Variants in MUC5B observed in about 807,000 individuals in gnomAD.
The protein encoded by MUC5B is mucin 5B, oligomeric mucus/gel-forming.
In MUC5B, 116 loss-of-function variants were observed where a neutral mutation model predicts 376.9. The observed-to-expected ratio is 0.31, with a 90% confidence interval of 0.26 to 0.36. MUC5B has a LOEUF of 0.36. Ranked by LOEUF, MUC5B falls within the 10% of genes least tolerant of loss-of-function variation. The pLI is 1.00. For missense variants in MUC5B, 7,165 were observed against 7,769.9 expected, an observed-to-expected ratio of 0.92 and a Z score of 2.93; for synonymous variants, 3,517 against 3,390.9, an observed-to-expected ratio of 1.04 and a Z score of -1.29.
At chr11:1,238,004 C>T (rs531652495) in intron 25 of MUC5B, among the ~76,000 whole-genome samples, 41 of 152,342 alleles carry the variant, frequency 2.7e-4, no homozygotes, top group African/African-American at 8.4e-4. Flanking sequence ...TGGGCATACT[C>T]GCTCGTGGGA....
At position 1,242,397 on chromosome 11, in the gene MUC5B, C is replaced by G. The variant is rs56271749; in HGVS notation, c.5517C>G (p.Ser1839Arg). Reference protein sequence around the residue: ...ECRAENYPEVSIDQVGQVLTC... With the variant: ...ECRAENYPEVRIDQVGQVLTC... ...GGGCGGAGAACTACCCCGAGGTAAGCATCGACCAGGTCGGGCAGGTGCTGA... is the reference window on the plus strand; with the variant it reads ...GGGCGGAGAACTACCCCGAGGTAAGGATCGACCAGGTCGGGCAGGTGCTGA... The change falls in exon 31 of 49, where the codon AGC becomes AGG. Residue 1839 changes from serine (S) to arginine (R), a missense_variant. By Grantham distance (110) the Ser-to-Arg change is moderately radical. This residue lies in a region of MUC5B where 897 missense variants were observed against 779.6 expected (regional missense o/e 1.15). Coordinates refer to ENST00000529681, the MANE Select transcript of MUC5B (RefSeq NM_002458.3). 144 of 1,613,908 alleles carry G rather than the reference C, an allele frequency of 8.9e-5. 2 individuals carry two copies. The Admixed American group carries it at 2.3e-3, about 26-fold the overall frequency.
chr11:1,256,904 C>T (rs1862853443), intron 39 of MUC5B, 133 bp downstream of exon 39: 3 of 703,574 alleles, frequency 4.3e-6, no homozygotes, highest in Non-Finnish European at 4.6e-6. Context: ...TTCTGCCCCA[C>T]CAGAGCATGG....
rs1461668075 is a variant in MUC5B, at chr11:1,261,906, G to A, written c.*298G>A. The A allele has an allele frequency of 2.2e-5, 14 of 634,094 alleles. No homozygotes were observed. Among genetic ancestry groups the A allele is most frequent in the Admixed American group, 1.1e-4 (5 of 47,616 alleles). The allele number at this position is 634,094 out of a possible 1,614,324, so 39.3% of individuals were successfully genotyped here. ...GCCCTGGAACAAACTAAGCATGTGC[G>A]GGCCTATGTGTCCCTGCCACGGCCG... On this transcript the variant is annotated 3_prime_UTR_variant, in exon 49 of 49. Coordinates refer to ENST00000529681, the MANE Select transcript of MUC5B (RefSeq NM_002458.3).
In MUC5B at chr11:1,248,438, C is replaced by T. The variant is rs184186640; in HGVS notation, c.11558C>T (p.Pro3853Leu). 1.4e-5 allele frequency: 22 copies of T among 1,610,572 alleles called. No individual in the cohort carries two copies. The highest frequency in any genetic ancestry group is 3.3e-4 in the Middle Eastern group (2 of 6,046). The part of the protein sequence containing the change: ...TTRATGSVAT[P>L]SSTPGTAHTT... ...AGGGCCACCGGCTCTGTGGCCACCC[C>T]CTCTTCCACCCCAGGAACAGCTCAC... Residue 3853 changes from proline (P) to leucine (L), a missense_variant, in exon 31 of 49, where the codon CCC (proline) becomes CTC (leucine). By Grantham distance (98) the Pro-to-Leu change is moderately conservative. Coordinates refer to ENST00000529681, the MANE Select transcript of MUC5B (RefSeq NM_002458.3).
Position 1,257,574 on chromosome 11 carries a change from C to G in MUC5B, c.16314C>G (p.Asp5438Glu). The change falls in exon 41 of 49, where the codon GAC (aspartate) becomes GAG (glutamate). Residue 5438 changes from aspartate to glutamate, a missense_variant. Physicochemically the swap from Asp to Glu is conservative, Grantham distance 45. Transcript: ENST00000529681. This position sits in a 1 kb window ranked among gnomAD's most constrained non-coding sequence, Gnocchi z 8.9. ...WVSNCQSCVC[D>E]EGSVSVQCKP... is the part of the protein sequence containing the mutation. ...GCAACTGCCAGTCCTGCGTGTGTGA[C>G]GAGGGTTCAGTGTCGGTGCAGTGCA... 1 of 1,607,650 alleles carries G rather than the reference C, an allele frequency of 6.2e-7. No homozygotes were observed.
rs1199543246 is a variant in MUC5B at position 1,253,008 on chromosome 11, C to T, written c.15217+28C>T. On this transcript the variant is annotated intron_variant, in intron 33 of 48. Coordinates refer to ENST00000529681, the MANE Select transcript of MUC5B (RefSeq NM_002458.3). The surrounding 1 kb of genome is among the most constrained non-coding windows in gnomAD (Gnocchi z 4.3). The stretch of plus-strand genomic sequence containing the variant: ...GAGTGCGTCGGTGGCCGCGGGATTA[C>T]CCCGGGGGCAGGTGGAGCAGAGTGC... 6.2e-7 allele frequency: 1 copy of T among 1,611,800 alleles called. No individual in the cohort carries two copies. The highest frequency in any genetic ancestry group is 8.5e-7 in the Non-Finnish European group (1 of 1,179,562).
At chr11:1,239,152 C>T in intron 26 of MUC5B, 125 bp downstream of exon 26, 1 of 1,213,836 alleles carries the variant, frequency 8.2e-7, no homozygotes, top group Non-Finnish European at 1.2e-6. Flanking sequence ...CACGCATGTG[C>T]CTCCATGTGA....
chr11:1,249,966 C>G lies in MUC5B; in HGVS notation c.13086C>G (p.Thr4362=). 1 of 1,612,212 alleles carries G rather than the reference C, an allele frequency of 6.2e-7. No individual in the cohort carries two copies. Among genetic ancestry groups the G allele is most frequent in the African/African-American group, 1.3e-5 (1 of 74,828 alleles). The change falls in exon 31 of 49, where the codon ACC becomes ACG. Residue 4362 remains threonine (T), a synonymous_variant. Transcript: ENST00000529681. ...CCTCCACTCCGGAGACCACCCACAC[C>G]TCCACAGTGCTGACCACGAAGGCCA... is the stretch of plus-strand genomic sequence containing the variant. ...HPSSTPETTH[T]STVLTTKATT...
Position 1,241,572 on chromosome 11 carries a change from G to A in MUC5B, c.4692G>A (p.Gln1564=), listed in dbSNP as rs1181481391. Residue 1564 remains glutamine (Q), a synonymous_variant, in exon 31 of 49, where the codon CAG becomes CAA. Coordinates refer to ENST00000529681, the MANE Select transcript of MUC5B (RefSeq NM_002458.3). ...FPNWTLAQVG[Q]KVHCDVHFGL... is the part of the protein sequence containing the mutation. ...ACTGGACCCTGGCACAGGTGGGGCA[G>A]AAGGTGCACTGTGACGTCCACTTCG... The A allele has an allele frequency of 1.2e-6, 2 of 1,612,508 alleles. No homozygotes were observed. The highest frequency in any genetic ancestry group is 2.2e-5 in the South Asian group (2 of 90,948).
In MUC5B at chr11:1,257,464, G is replaced by C. The variant is rs916770546; in HGVS notation, c.16270-66G>C. Reference sequence around the variant, plus strand: ...ACCAGCCCGAGGGAGGGGGTGGCTGGACAGATGCCCAGGGTTGACCTGTGT... The same window carrying C: ...ACCAGCCCGAGGGAGGGGGTGGCTGCACAGATGCCCAGGGTTGACCTGTGT... On this transcript the variant is annotated intron_variant, in intron 40 of 48. Transcript: ENST00000529681. The surrounding 1 kb of genome is among the most constrained non-coding windows in gnomAD (Gnocchi z 8.9). The C allele has an allele frequency of 6.4e-7, 1 of 1,571,422 alleles. No homozygotes were observed. Among genetic ancestry groups the C allele is most frequent in the Non-Finnish European group, 8.7e-7 (1 of 1,154,776 alleles).
Position 1,243,463 on chromosome 11 carries a change from G to A in MUC5B, c.6583G>A (p.Ala2195Thr). ...THTPPVPNTM[A>T]TTHGRSLPPS... ...CACACCCCCAGTGCCGAACACCATG[G>A]CCACCACACACGGGCGATCCCTGCC... The change falls in exon 31 of 49, where the codon GCC becomes ACC. Residue 2195 changes from alanine to threonine, a missense_variant. Around this residue, in one of 31 missense-constraint regions of MUC5B, gnomAD observed 67 missense variants for 103.0 expected, o/e 0.65. Coordinates refer to ENST00000529681, the MANE Select transcript of MUC5B (RefSeq NM_002458.3). The A allele has an allele frequency of 2.7e-6, 4 of 1,488,570 alleles. 1 individual carries two copies. The highest frequency in any genetic ancestry group is 3.7e-6 in the Non-Finnish European group (4 of 1,088,848). 92.2% of individuals were successfully genotyped at this position (1,488,570 alleles called of 1,614,324 possible). A position where few individuals can be genotyped will look rare whatever the true frequency, so the allele number is the denominator to read the frequency against.
intron 6 of MUC5B, 40 bp downstream of exon 6, chr11:1,227,438 T>G: frequency 6.7e-7 from 1 of 1,486,950 alleles, no homozygotes; most frequent in East Asian, 2.3e-5. Flanking sequence ...ACCAATTATG[T>G]CGGCCAACGA....
At chr11:1,252,695 T>G (rs1386089561) in intron 32 of MUC5B, 114 bp from the exon 33 acceptor site, 1 of 1,430,256 alleles carries the variant, frequency 7.0e-7, no homozygotes, top group Non-Finnish European at 9.4e-7. Context: ...GGGGCCGCCC[T>G]CCTCAGGCAG....
Position 1,246,738 on chromosome 11 carries a change from A to G in MUC5B, c.9858A>G (p.Thr3286=). The G allele has an allele frequency of 6.2e-7, 1 of 1,606,364 alleles. No individual in the cohort carries two copies. Among genetic ancestry groups the G allele is most frequent in the Non-Finnish European group, 8.5e-7 (1 of 1,175,680 alleles). ...CAGTGCTTACCACCACGACCACCAC[A>G]ACCAGGGCCACCGGCTCTGTGGCCA... is the stretch of plus-strand genomic sequence containing the variant. ...TSTVLTTTTT[T]TRATGSVATP... is the part of the protein sequence containing the mutation. The change falls in exon 31 of 49, where the codon ACA becomes ACG. Residue 3286 remains threonine (T), a synonymous_variant. Coordinates refer to ENST00000529681, the MANE Select transcript of MUC5B (RefSeq NM_002458.3).
In MUC5B at chr11:1,261,589, A is replaced by T. The variant is rs1862996479; in HGVS notation, c.17270A>T (p.Gln5757Leu). 1 of 1,606,382 alleles carries T rather than the reference A, an allele frequency of 6.2e-7. No individual in the cohort carries two copies. Among genetic ancestry groups the T allele is most frequent in the Non-Finnish European group, 8.5e-7 (1 of 1,177,628 alleles). The stretch of plus-strand genomic sequence containing the variant: ...CCACACACCCGTGGCTTCCCGGCCC[A>T]GGAGGCCACTGCTGTCTGAGAACGT... The part of the protein sequence containing the change: ...APPHTRGFPA[Q>L]EATAV The change falls in exon 49 of 49, where the codon CAG (glutamine) becomes CTG (leucine). Residue 5757 changes from glutamine (Q) to leucine (L), a missense_variant. Gln to Leu is a moderately radical substitution (Grantham distance 113). Transcript: ENST00000529681.
intron 15 of MUC5B, 143 bp from the exon 16 acceptor site, chr11:1,232,307 G>T: frequency 7.4e-7 from 1 of 1,342,438 alleles, no homozygotes. Flanking sequence ...CTTGGGGCCA[G>T]GCGGCCAGAA....
rs186744090 is a variant in MUC5B, at chr11:1,247,251, G to T, written c.10371G>T (p.Arg3457=). Residue 3457 remains arginine (R), a synonymous_variant, in exon 31 of 49, where the codon CGG becomes CGT. Transcript: ENST00000529681. ...VPNTTATTHG[R]SLPPSSPHTV... is the part of the protein sequence containing the mutation. ...ACACCACGGCCACCACACACGGGCG[G>T]TCCCTGCCCCCCAGCAGTCCCCACA... 1.9e-6 allele frequency: 3 copies of T among 1,604,446 alleles called. No individual in the cohort carries two copies. The highest frequency in any genetic ancestry group is 4.5e-5 in the East Asian group (2 of 44,614).
intron 1 of MUC5B, among the ~76,000 whole-genome samples, chr11:1,224,433 A>T (rs1011440099): frequency 3.2e-4 from 47 of 148,286 alleles, no homozygotes; most frequent in African/African-American, 9.4e-4. Context: ...GCAGATAACC[A>T]AGGGCAGTCA....
At position 1,250,975 on chromosome 11, in the gene MUC5B, A is replaced by G. The variant is rs748592127; in HGVS notation, c.14095A>G (p.Thr4699Ala). The part of the protein sequence containing the change: ...ATGSTTNPSS[T>A]PGTTPITPVL... The stretch of plus-strand genomic sequence containing the variant: ...CGGCTCCACCACCAACCCCTCCTCA[A>G]CTCCAGGGACAACACCCATCACCCC... Residue 4699 changes from threonine (T) to alanine (A), a missense_variant, in exon 31 of 49, where the codon ACT becomes GCT. Physicochemically the swap from Thr to Ala is moderately conservative, Grantham distance 58. This residue lies in a region of MUC5B where 730 missense variants were observed against 592.7 expected (regional missense o/e 1.23). Transcript: ENST00000529681. 1 of 1,608,910 alleles carries G rather than the reference A, an allele frequency of 6.2e-7. No individual in the cohort carries two copies. The highest frequency in any genetic ancestry group is 8.5e-7 in the Non-Finnish European group (1 of 1,177,882).
Sources: gnomAD v4.1 joint callset for allele counts (sites outside exome capture counted in the v4.1 genomes callset) on GRCh38, gnomAD v4.1.1 for gene constraint, gnomAD v4.1.1 regional missense constraint, Gnocchi (gnomAD v3.1) non-coding constraint, MANE v1.5 for transcripts, NCBI Gene and HGNC (gene_info 2026-07-23, HGNC 2026-07-21) for gene names.